LIMCH1: variants seen among roughly 807,000 people sequenced by gnomAD.
LIMCH1 encodes LIM and calponin homology domains 1, also known as LIM and calponin homology domains-containing protein 1.
In LIMCH1, 113 loss-of-function variants were observed where a neutral mutation model predicts 176.5. The ratio of observed to expected loss-of-function variants is 0.64; its 90% CI spans 0.55 to 0.75. The LOEUF is 0.75. LIMCH1 is among the 30% of genes least tolerant of loss of function. The pLI, the probability that LIMCH1 is intolerant of heterozygous loss-of-function variation, is 0.00. For missense variants in LIMCH1, 1,674 were observed against 1,814.9 expected (o/e 0.92, Z 1.41); for synonymous variants, 619 against 645.9 (o/e 0.96, Z 0.63).
intron 1 of LIMCH1, among the ~76,000 whole-genome samples, chr4:41,582,903 A>G (rs2085767163): frequency 6.6e-6 from 1 of 152,166 alleles, no homozygotes; most frequent in Non-Finnish European, 1.5e-5. Context: ...TCGTGGGTGT[A>G]TTGTGTGCCC....
chr4:41,595,813 G>A lies in LIMCH1; in HGVS notation c.-240-3107G>A, dbSNP rs1288991542. On this transcript the variant is annotated intron_variant, in intron 1 of 31. Transcript: ENST00000503057. ...TGGCTCATGCCTGTAATCCCAGCAC[G>A]TTGCAGGGCCAAGGTGGGCAGATCA... Among the ~76,000 whole-genome samples the A allele has an allele frequency of 4.0e-5, 6 of 151,864 alleles. No homozygotes were observed. In the South Asian group the frequency reaches 8.4e-4, roughly 21 times the overall value.
chr4:41,411,082 C>A (rs2059438584), intron 1 of LIMCH1, among the ~76,000 whole-genome samples: 1 of 152,180 alleles, frequency 6.6e-6, no homozygotes, highest in Non-Finnish European at 1.5e-5. Flanking sequence ...TGAATGATTG[C>A]CTGTGTTTGT....
chr4:41,612,852 T>C (rs1055229650), intron 4 of LIMCH1: 9 of 129,704 alleles, frequency 6.9e-5, no homozygotes, highest in African/African-American at 3.7e-4. Context: ...ATTGCCTTTC[T>C]TTTTTTTTTT....
At chr4:41,447,821 C>T (rs1041293832) in intron 1 of LIMCH1, among the ~76,000 whole-genome samples, 7 of 151,962 alleles carry the variant, frequency 4.6e-5, no homozygotes, top group African/African-American at 1.5e-4. Flanking sequence ...GACAGGGTCT[C>T]CCTCTGTCTC....
intron 1 of LIMCH1, among the ~76,000 whole-genome samples, chr4:41,463,171 T>A: frequency 6.7e-6 from 1 of 149,258 alleles, no homozygotes; most frequent in African/African-American, 2.4e-5. Flanking sequence ...AAAAATTCAT[T>A]AAAAAAAAAA....
chr4:41,438,175 C>T (rs1160351829), intron 1 of LIMCH1, among the ~76,000 whole-genome samples: 5 of 152,064 alleles, frequency 3.3e-5, no homozygotes, highest in Admixed American at 3.3e-4. Flanking sequence ...ATTAAAATTG[C>T]CCATTTCATG....
chr4:41,416,720 C>CA (rs2059973088), intron 1 of LIMCH1, among the ~76,000 whole-genome samples: 1 of 150,782 alleles, frequency 6.6e-6, no homozygotes, highest in South Asian at 2.1e-4. Flanking sequence ...ACTGATGCTA[C>CA]ACACACACAA....
At chr4:41,382,803 T>G (rs1456179973) in intron 1 of LIMCH1, among the ~76,000 whole-genome samples, 102 of 152,186 alleles carry the variant, frequency 6.7e-4, no homozygotes, top group Admixed American at 6.7e-3. Context: ...TCACCATTGT[T>G]TTTTTGATAC....
chr4:41,364,050 C>G (rs759425191), intron 1 of LIMCH1, among the ~76,000 whole-genome samples: 1 of 152,080 alleles, frequency 6.6e-6, no homozygotes, highest in Admixed American at 6.6e-5. Flanking sequence ...GCTGGATGAC[C>G]CTGAGCAAGC....
At chr4:41,536,469 A>C (rs1362955847), upstream of LIMCH1, among the ~76,000 whole-genome samples, 1 of 152,218 alleles carries the variant, frequency 6.6e-6, no homozygotes. Context: ...ATTTCTGAGT[A>C]GTTTGATATC....
chr4:41,619,649 G>A, intron 6 of LIMCH1: 3 of 619,456 alleles, frequency 4.8e-6, no homozygotes, highest in Non-Finnish European at 8.3e-6. Context: ...CTGGCACACA[G>A]TAGGTATTCA....
At chr4:41,429,513 T>C (rs1328446710) in intron 1 of LIMCH1, among the ~76,000 whole-genome samples, 4 of 152,202 alleles carry the variant, frequency 2.6e-5, no homozygotes, top group African/African-American at 9.7e-5. Flanking sequence ...CAAACAAATA[T>C]TCAACTTGGT....
intron 31 of LIMCH1, among the ~76,000 whole-genome samples, chr4:41,696,343 C>T (rs1021461532): frequency 5.9e-5 from 9 of 152,162 alleles, no homozygotes; most frequent in South Asian, 2.1e-4. Flanking sequence ...TTGTGAAACG[C>T]ATTTAATGCA....
chr4:41,409,787 G>A (rs7688810), intron 1 of LIMCH1, among the ~76,000 whole-genome samples: 134,885 of 152,178 alleles, frequency 0.89, 60,028 homozygotes, highest in East Asian at 0.99. Context: ...ATTTGAAACA[G>A]TATGAAAACT....
At chr4:41,381,629 G>A (rs1354972588) in intron 1 of LIMCH1, among the ~76,000 whole-genome samples, 3 of 152,188 alleles carry the variant, frequency 2.0e-5, no homozygotes, top group African/African-American at 7.2e-5. Context: ...TGCAGCAGAA[G>A]TGATGAGGTG....
At chr4:41,523,153 C>T (rs1049886480) in intron 2 of LIMCH1, among the ~76,000 whole-genome samples, 1 of 152,110 alleles carries the variant, frequency 6.6e-6, no homozygotes, top group East Asian at 1.9e-4. Flanking sequence ...ACTATTAAAC[C>T]ATTTGAAAAA....
intron 1 of LIMCH1, among the ~76,000 whole-genome samples, chr4:41,555,548 T>C (rs1466147568): frequency 1.3e-5 from 2 of 152,178 alleles, no homozygotes; most frequent in Non-Finnish European, 2.9e-5. Context: ...AGTTCTTTCA[T>C]TCATTCAACA....
intron 5 of LIMCH1, among the ~76,000 whole-genome samples, chr4:41,614,376 TTATC>T (rs2091826484): frequency 6.6e-6 from 1 of 152,260 alleles, no homozygotes; most frequent in South Asian, 2.1e-4. Flanking sequence ...TTTGTCTTAC[TTATC>T]TTGTACCTTT....
intron 1 of LIMCH1, among the ~76,000 whole-genome samples, chr4:41,413,221 T>G (rs1197918950): frequency 6.7e-6 from 1 of 149,164 alleles, no homozygotes; most frequent in African/African-American, 2.4e-5. Flanking sequence ...ATAATAAGTT[T>G]TTTTTTTTTT....
Sources: gnomAD v4.1 joint callset for allele counts (sites outside exome capture counted in the v4.1 genomes callset) on GRCh38, gnomAD v4.1.1 for gene constraint, MANE v1.5 for transcripts, NCBI Gene and HGNC (gene_info 2026-07-23, HGNC 2026-07-21) for gene names.